The following SMIM14 variants were observed in gnomAD, a reference collection of about 807,000 sequenced individuals.
The protein encoded by SMIM14 is chromosome 4 open reading frame 34.
In SMIM14, 5 loss-of-function variants were observed where a neutral mutation model predicts 12.6. The observed-to-expected ratio is 0.40, with a 90% CI of 0.21 to 0.83. SMIM14 has a LOEUF of 0.83. Ranked by LOEUF, SMIM14 falls within the 40% of genes least tolerant of loss-of-function variation. The pLI, the probability that SMIM14 is intolerant of heterozygous loss-of-function variation, is 0.37. For synonymous variants in SMIM14, 30 were observed against 40.1 expected (o/e 0.75, Z 0.95); for missense variants, 86 against 119.1 (o/e 0.72, Z 1.29).
chr4:39,568,657 T>C (rs893887433), intron 3 of SMIM14, among the ~76,000 whole-genome samples: 5 of 152,176 alleles, frequency 3.3e-5, no homozygotes, highest in African/African-American at 1.2e-4. Flanking sequence ...AAATAACTTT[T>C]TCCAATTGAA....
chr4:39,573,907 A>G (rs779670711), intron 2 of SMIM14, among the ~76,000 whole-genome samples: 16 of 152,290 alleles, frequency 1.1e-4, no homozygotes, highest in Admixed American at 3.3e-4. Context: ...GTGATTATCA[A>G]TTTTAAAAAG....
chr4:39,623,351 T>G (rs10032732), intron 1 of SMIM14, among the ~76,000 whole-genome samples: 1,712 of 152,246 alleles, frequency 0.011, 26 homozygotes, highest in African/African-American at 0.039. Flanking sequence ...AAAATACATT[T>G]TTATAGAAAA....
chr4:39,638,831 T>A lies in SMIM14; in HGVS notation c.-128A>T. The A allele has an allele frequency of 1.0e-6, 1 of 985,892 alleles. No homozygotes were observed. The highest frequency in any genetic ancestry group is 1.2e-6 in the Non-Finnish European group (1 of 830,308). 61.1% of individuals were successfully genotyped at this position (985,892 alleles called of 1,614,324 possible). ...CCTGGAGCTTCCAGAAGGCTGCGGC[T>A]GCTCCGGACGCTGCTGCCACTGCCG... On this transcript the variant is annotated 5_prime_UTR_variant, in exon 1 of 5. Coordinates refer to ENST00000295958, the MANE Select transcript of SMIM14 (RefSeq NM_174921.3).
intron 3 of SMIM14, among the ~76,000 whole-genome samples, chr4:39,562,825 G>GTTTTTTTTTTTTTTTTTTTT (rs1553861796): frequency 7.8e-6 from 1 of 128,066 alleles, no homozygotes; most frequent in African/African-American, 4.2e-5. Context: ...TGTATTTTTA[G>GTTTTTTTTTTTTTTTTTTTT]TAGAGACGGT....
At chr4:39,619,946 T>C (rs1212014650) in intron 1 of SMIM14, among the ~76,000 whole-genome samples, 1 of 148,458 alleles carries the variant, frequency 6.7e-6, no homozygotes, top group African/African-American at 2.5e-5. Context: ...ATGGCAATCA[T>C]AGCTCACTGC....
At chr4:39,626,451 T>C (rs1006309423) in intron 1 of SMIM14, among the ~76,000 whole-genome samples, 2 of 152,218 alleles carry the variant, frequency 1.3e-5, no homozygotes, top group African/African-American at 2.4e-5. Flanking sequence ...TTCAGTAATT[T>C]GCCCAGTCAC....
At chr4:39,637,778 C>G (rs1716154561) in intron 1 of SMIM14, among the ~76,000 whole-genome samples, 1 of 152,150 alleles carries the variant, frequency 6.6e-6, no homozygotes, top group African/African-American at 2.4e-5. Context: ...AGCAAGAATG[C>G]CTCCTAAGCG....
At chr4:39,632,205 C>G (rs1011303318) in intron 1 of SMIM14, among the ~76,000 whole-genome samples, 3 of 152,118 alleles carry the variant, frequency 2.0e-5, no homozygotes, top group Non-Finnish European at 4.4e-5. Flanking sequence ...AAAATCTTCA[C>G]GTCAGCTGGG....
intron 3 of SMIM14, among the ~76,000 whole-genome samples, chr4:39,570,847 T>C (rs886072078): frequency 6.6e-6 from 1 of 152,068 alleles, no homozygotes; most frequent in African/African-American, 2.4e-5. Flanking sequence ...CAAATATATG[T>C]TGATATTTTA....
intron 2 of SMIM14, among the ~76,000 whole-genome samples, chr4:39,598,227 C>G (rs150149861): frequency 1.6e-3 from 240 of 152,270 alleles, no homozygotes; most frequent in African/African-American, 5.6e-3. Flanking sequence ...AGACCTATTC[C>G]TCCTTTTTGT....
chr4:39,597,085 C>CTTTTT (rs35373264), intron 2 of SMIM14, among the ~76,000 whole-genome samples: 1 of 133,744 alleles, frequency 7.5e-6, no homozygotes. Flanking sequence ...CCAGGTTTCC[C>CTTTTT]TTTTTTTTTT....
intron 1 of SMIM14, among the ~76,000 whole-genome samples, chr4:39,619,860 T>TATATA: frequency 9.0e-6 from 1 of 111,080 alleles, no homozygotes; most frequent in African/African-American, 3.8e-5. Flanking sequence ...TTATATATAT[T>TATATA]TATATATATA....
rs1252367790 is a variant in SMIM14, at chr4:39,549,970, A to G, written c.*2156T>C. The G allele has an allele frequency of 8.5e-6, 1 of 117,076 alleles. No homozygotes were observed. The highest frequency in any genetic ancestry group is 1.9e-5 in the Non-Finnish European group (1 of 51,508). The allele number at this position is 117,076 out of a possible 1,614,324, so 7.3% of individuals were successfully genotyped here. A position where few individuals can be genotyped will look rare whatever the true frequency, so the allele number is the denominator to read the frequency against. On this transcript the variant is annotated 3_prime_UTR_variant, in exon 5 of 5. Transcript: ENST00000295958. ...AGCCAGGATGTACAAGGAGGAATTC[A>G]AACAATCAATATTGGATTATATAAT...
chr4:39,628,485 C>T (rs1346378301), intron 1 of SMIM14, among the ~76,000 whole-genome samples: 5 of 151,732 alleles, frequency 3.3e-5, no homozygotes, highest in African/African-American at 1.2e-4. Context: ...CCAGCCGGGC[C>T]AACATGGTGA....
chr4:39,575,749 ATTTTTTTT>A (rs35325470), intron 2 of SMIM14, among the ~76,000 whole-genome samples: 1 of 132,218 alleles, frequency 7.6e-6, no homozygotes, highest in East Asian at 2.2e-4. Context: ...ATGCCCAGCT[ATTTTTTTT>A]TTTTTTTTTT....
Position 39,551,543 on chromosome 4 carries a change from T to G in SMIM14, c.*583A>C, listed in dbSNP as rs1019103791. The G allele has an allele frequency of 3.9e-5, 6 of 152,614 alleles. No homozygotes were observed. The highest frequency in any genetic ancestry group is 1.2e-4 in the African/African-American group (5 of 41,446). The allele number at this position is 152,614 out of a possible 1,614,324, so 9.5% of individuals were successfully genotyped here. On this transcript the variant is annotated 3_prime_UTR_variant, in exon 5 of 5. Transcript: ENST00000295958. ...TCCTATTCTAGCCACATAAGCCAGT[T>G]TAATCCATGACACAGATTTCAGCTG...
At chr4:39,602,934 T>C (rs1714671830) in intron 2 of SMIM14, among the ~76,000 whole-genome samples, 1 of 152,194 alleles carries the variant, frequency 6.6e-6, no homozygotes, top group Admixed American at 6.5e-5. Flanking sequence ...TACGTACCTT[T>C]ATTAACTGAC....
chr4:39,637,264 T>C (rs1019926473), intron 1 of SMIM14, among the ~76,000 whole-genome samples: 2 of 152,180 alleles, frequency 1.3e-5, no homozygotes, highest in African/African-American at 4.8e-5. Context: ...GTATTTCGTA[T>C]AACCAAAAAT....
chr4:39,554,149 G>A (rs1468280533), intron 4 of SMIM14, among the ~76,000 whole-genome samples: 6 of 152,134 alleles, frequency 3.9e-5, no homozygotes, highest in African/African-American at 9.7e-5. Flanking sequence ...GTAAAGGTTG[G>A]AAAAGAGAAT....
Sources: gnomAD v4.1 joint callset for allele counts (sites outside exome capture counted in the v4.1 genomes callset) on GRCh38, gnomAD v4.1.1 for gene constraint, MANE v1.5 for transcripts, NCBI Gene and HGNC (gene_info 2026-07-23, HGNC 2026-07-21) for gene names.